The following LCP2 variants were observed in gnomAD, a reference collection of about 807,000 sequenced individuals.
LCP2 encodes the protein 76 kDa tyrosine phosphoprotein.
A neutral mutation model predicts 74.5 loss-of-function variants in LCP2; 29 were observed. That is an observed-to-expected ratio of 0.39 (90% CI 0.29 to 0.53). LCP2 has a LOEUF of 0.53. LCP2 is among the 20% of genes least tolerant of loss of function. LCP2 has a pLI of 0.72. For synonymous variants in LCP2, 228 were observed against 229.5 expected, an observed-to-expected ratio of 0.99 and a Z score of 0.06; for missense variants, 604 against 634.6, an observed-to-expected ratio of 0.95 and a Z score of 0.52.
rs534431140 is a variant in LCP2 at position 170,252,500 on chromosome 5, A to G, written c.1257T>C (p.Asn419=). The G allele has an allele frequency of 1.8e-5, 28 of 1,544,570 alleles. No homozygotes were observed. The Admixed American group carries it at 3.3e-4, about 18-fold the overall frequency. The change falls in exon 19 of 21, where the codon AAT becomes AAC. Residue 419 remains asparagine (N), a synonymous_variant. Transcript: ENST00000046794. ...PSPAEEENSL[N]EEWYVSYITR... is the part of the protein sequence containing the mutation. ...TAATATAAGAAACGTACCACTCTTCATTTAATGAATTCTGAAAATGTAAAT... is the reference window on the plus strand; with the variant it reads ...TAATATAAGAAACGTACCACTCTTCGTTTAATGAATTCTGAAAATGTAAAT...
chr5:170,267,212 G>A (rs1761781549), intron 8 of LCP2, 137 bp from the exon 9 acceptor site: 1 of 840,370 alleles, frequency 1.2e-6, no homozygotes, highest in Non-Finnish European at 1.9e-6. Context: ...TTTCTTCACT[G>A]AACTACCGCA....
intron 3 of LCP2, among the ~76,000 whole-genome samples, chr5:170,284,080 G>A (rs1474852163): frequency 1.3e-5 from 2 of 152,198 alleles, no homozygotes; most frequent in Non-Finnish European, 2.9e-5. Context: ...ACAAAGGCCT[G>A]ACACATTGTA....
At chr5:170,262,599 T>G (rs952209284) in intron 13 of LCP2, 36 bp downstream of exon 13, 3 of 1,514,566 alleles carry the variant, frequency 2.0e-6, no homozygotes, top group African/African-American at 2.7e-5. Flanking sequence ...TGCCGGCCAC[T>G]GTGAGTGACA....
intron 5 of LCP2, among the ~76,000 whole-genome samples, chr5:170,274,784 G>T (rs1318390945): frequency 6.6e-6 from 1 of 152,096 alleles, no homozygotes; most frequent in Admixed American, 6.5e-5. Context: ...AGACCATCCT[G>T]GCTGACATGG....
chr5:170,281,405 G>A lies in LCP2; in HGVS notation c.189-5545C>T, dbSNP rs574541190. On this transcript the variant is annotated intron_variant, in intron 3 of 20. Coordinates refer to ENST00000046794, the MANE Select transcript of LCP2 (RefSeq NM_005565.5). Reference sequence around the variant, plus strand: ...CGCCATTCTCCTGCCTCAGCCTCCCGAGTAGCTGGGACTACAGGTGCCTGC... The same window carrying A: ...CGCCATTCTCCTGCCTCAGCCTCCCAAGTAGCTGGGACTACAGGTGCCTGC... 5.9e-5 allele frequency among the ~76,000 whole-genome samples: 9 copies of A among 152,032 alleles called. No individual in the cohort carries two copies. The East Asian group carries it at 9.7e-4, about 16-fold the overall frequency.
chr5:170,293,176 C>G (rs1176636937), intron 2 of LCP2, 134 bp downstream of exon 2: 1 of 792,226 alleles, frequency 1.3e-6, no homozygotes. Flanking sequence ...GAGAGGGGGC[C>G]CTACCAAATT....
intron 14 of LCP2, among the ~76,000 whole-genome samples, chr5:170,259,355 T>G (rs1761614808): frequency 6.6e-6 from 1 of 152,230 alleles, no homozygotes; most frequent in South Asian, 2.1e-4. Flanking sequence ...AGTCTTCTTT[T>G]TGGCTCTCTT....
rs1018338849 is a variant in LCP2 at position 170,272,834 on chromosome 5, G to A, written c.324+1467C>T. Among the ~76,000 whole-genome samples the A allele has an allele frequency of 5.9e-5, 9 of 151,576 alleles. 1 individual carries two copies. Among genetic ancestry groups the A allele is most frequent in the East Asian group, 3.9e-4 (2 of 5,146 alleles). On this transcript the variant is annotated intron_variant, in intron 6 of 20. Coordinates refer to ENST00000046794, the MANE Select transcript of LCP2 (RefSeq NM_005565.5). Reference sequence around the variant, plus strand: ...TCACCATGTTGACCAGGATGGTCTCGATCTCTTGATCTTGTGATCTGCCCG... The same window carrying A: ...TCACCATGTTGACCAGGATGGTCTCAATCTCTTGATCTTGTGATCTGCCCG...
In LCP2 at chr5:170,256,171, G is replaced by C. The variant is rs1761546020; in HGVS notation, c.1150+355C>G. On this transcript the variant is annotated intron_variant, in intron 17 of 20. Transcript: ENST00000046794. The surrounding 1 kb of genome is among the most constrained non-coding windows in gnomAD (Gnocchi z 4.5). ...TGTGTAGGTGTGTCCATGTATGTAT[G>C]TGTGTATGCATGTGCATGTGTGTGC... Among the ~76,000 whole-genome samples, 1 of 152,168 alleles carries C rather than the reference G, an allele frequency of 6.6e-6. No individual in the cohort carries two copies. The highest frequency in any genetic ancestry group is 2.4e-5 in the African/African-American group (1 of 41,450).
intron 7 of LCP2, 57 bp from the exon 8 acceptor site, chr5:170,268,539 C>A: frequency 4.8e-6 from 1 of 206,874 alleles, no homozygotes; most frequent in South Asian, 6.2e-5. Context: ...GCTCAGGGGT[C>A]TCCAGGAACA....
At chr5:170,275,505 T>C (rs1761991688) in intron 4 of LCP2, 154 bp from the exon 5 acceptor site, 2 of 810,636 alleles carry the variant, frequency 2.5e-6, no homozygotes, top group Non-Finnish European at 4.0e-6. Flanking sequence ...CAACTGGGGC[T>C]AGGATACCCT....
intron 7 of LCP2, 54 bp from the exon 8 acceptor site, chr5:170,268,536 G>A: frequency 4.7e-6 from 1 of 212,138 alleles, no homozygotes. Context: ...CAAGCTCAGG[G>A]GTCTCCAGGA....
intron 2 of LCP2, among the ~76,000 whole-genome samples, chr5:170,290,976 GA>G (rs1451021305): frequency 5.0e-5 from 4 of 79,802 alleles, no homozygotes; most frequent in Non-Finnish European, 5.4e-5. Flanking sequence ...AAGAAAGAAA[GA>G]AAGAAAGAAA....
At position 170,247,459 on chromosome 5, in the gene LCP2, C is replaced by T. The variant is rs146777630; in HGVS notation, c.*1238G>A. ...AGCTGCAAGATACTCTTTTCCATTT[C>T]GAAAACTTGTAGATTAAGCAGAGAC... On this transcript the variant is annotated 3_prime_UTR_variant, in exon 21 of 21. Coordinates refer to ENST00000046794, the MANE Select transcript of LCP2 (RefSeq NM_005565.5). The T allele has an allele frequency of 5.1e-4, 77 of 152,230 alleles. No homozygotes were observed. Among genetic ancestry groups the T allele is most frequent in the African/African-American group, 1.6e-3 (66 of 41,528 alleles). 9.4% of individuals were successfully genotyped at this position (152,230 alleles called of 1,614,324 possible). A position where few individuals can be genotyped will look rare whatever the true frequency, so the allele number is the denominator to read the frequency against.
intron 2 of LCP2, among the ~76,000 whole-genome samples, chr5:170,290,956 G>A (rs866088504): frequency 3.3e-4 from 7 of 21,498 alleles, no homozygotes; most frequent in East Asian, 6.7e-4. Context: ...AGAAAGAAAA[G>A]AAAGAAAGAA....
At chr5:170,269,724 A>G (rs1370733116) in intron 7 of LCP2, among the ~76,000 whole-genome samples, 1 of 152,184 alleles carries the variant, frequency 6.6e-6, no homozygotes. Flanking sequence ...CATTTGTTGG[A>G]GGGTGCGTCA....
At chr5:170,248,936 G>A (rs2113142551) in intron 20 of LCP2, 117 bp from the exon 21 acceptor site, 3 of 1,001,268 alleles carry the variant, frequency 3.0e-6, no homozygotes, top group Non-Finnish European at 4.4e-6. Context: ...GGATTGTGGG[G>A]GGAAAAAATG....
intron 17 of LCP2, among the ~76,000 whole-genome samples, chr5:170,254,125 C>T (rs925450028): frequency 6.6e-6 from 1 of 151,950 alleles, no homozygotes; most frequent in African/African-American, 2.4e-5. Flanking sequence ...TTTTTTAATC[C>T]TCACAGCAAC....
chr5:170,253,138 G>A lies in LCP2; in HGVS notation c.1226C>T (p.Pro409Leu). The change falls in exon 18 of 21, where the codon CCA (proline) becomes CTA (leucine). Residue 409 changes from proline (P) to leucine (L), a missense_variant. By Grantham distance (98) the Pro-to-Leu change is moderately conservative (BLOSUM62 -3). Transcript: ENST00000046794. ...TCTTACCTCTTCCTCCGCGGGGGAT[G>A]GGGGCCGAGGTTTGTTTGGAAGTGG... Reference protein sequence around the residue: ...PLPLPNKPRPPSPAEEENSLN... With the variant: ...PLPLPNKPRPLSPAEEENSLN... 6.2e-7 allele frequency: 1 copy of A among 1,610,328 alleles called. No individual in the cohort carries two copies. Among genetic ancestry groups the A allele is most frequent in the Non-Finnish European group, 8.5e-7 (1 of 1,177,872 alleles).
Sources: allele counts gnomAD v4.1 joint callset (sites outside exome capture counted in the v4.1 genomes callset), GRCh38; gene constraint gnomAD v4.1.1; non-coding constraint Gnocchi (gnomAD v3.1); transcripts MANE v1.5; gene names NCBI Gene and HGNC (gene_info 2026-07-23, HGNC 2026-07-21).